LPP: variants seen among roughly 807,000 people sequenced by gnomAD.
LPP encodes the protein lipoma-preferred partner.
Under a neutral mutation model 60.4 loss-of-function variants are expected in LPP, and 38 were observed. The observed-to-expected ratio is 0.63, with a 90% CI of 0.49 to 0.83. The LOEUF (loss-of-function observed/expected upper bound fraction) is 0.83, where lower values mean the gene tolerates loss of function less well. Ranked by LOEUF, LPP falls within the 40% of genes least tolerant of loss-of-function variation. The probability of loss-of-function intolerance (pLI) is 0.00; values close to 1 mark genes in which losing one functional copy is unlikely to be tolerated. For missense variants in LPP, 902 were observed against 783.6 expected (o/e 1.15, Z -1.80); for synonymous variants, 328 against 290.8 (o/e 1.13, Z -1.30).
chr3:188,365,549 A>G (rs79981125), intron 3 of LPP, among the ~76,000 whole-genome samples: 3,080 of 152,282 alleles, frequency 0.02, 45 homozygotes, highest in Non-Finnish European at 0.032. Flanking sequence ...ACCTTAGAAC[A>G]CGTACCTGCA....
At chr3:188,379,090 CTT>C (rs568105213) in intron 3 of LPP, among the ~76,000 whole-genome samples, 1 of 147,110 alleles carries the variant, frequency 6.8e-6, no homozygotes, top group African/African-American at 2.5e-5. Context: ...CATTTTCTTT[CTT>C]TTTTTTTTTC....
At chr3:188,712,547 TC>T (rs1711995461) in intron 8 of LPP, 2 of 152,244 alleles carry the variant, frequency 1.3e-5, no homozygotes, top group African/African-American at 4.8e-5. Flanking sequence ...GATAAAGTCT[TC>T]TCTTCCTTTC....
At position 188,806,081 on chromosome 3, in the gene LPP, A is replaced by G. The variant is rs576679571; in HGVS notation, c.1410+45799A>G. Among the ~76,000 whole-genome samples the G allele has an allele frequency of 5.2e-4, 79 of 151,972 alleles. 1 individual carries two copies. The South Asian group carries it at 0.013, about 26-fold the overall frequency. On this transcript the variant is annotated intron_variant, in intron 9 of 11. Coordinates refer to ENST00000617246, the MANE Select transcript of LPP (RefSeq NM_001375462.1). ...TAGGTGAAGTGTTCTATAGTTGTCA[A>G]TTAGGTTAATTTGGCTAACAGTATT...
chr3:188,800,103 T>A (rs1240806411), intron 9 of LPP, among the ~76,000 whole-genome samples: 1 of 151,734 alleles, frequency 6.6e-6, no homozygotes, highest in African/African-American at 2.4e-5. Context: ...TTTAGTGATA[T>A]AGAATTCTAT....
intron 7 of LPP, among the ~76,000 whole-genome samples, chr3:188,645,810 A>C (rs1255466167): frequency 7.5e-6 from 1 of 133,904 alleles, no homozygotes; most frequent in Non-Finnish European, 1.6e-5. Flanking sequence ...ATATAAGTTC[A>C]AAAAAAAAAA....
At chr3:188,305,745 AAC>A (rs1014298435) in intron 2 of LPP, among the ~76,000 whole-genome samples, 1 of 152,230 alleles carries the variant, frequency 6.6e-6, no homozygotes, top group African/African-American at 2.4e-5. Flanking sequence ...CAGAGTCTGA[AAC>A]ACACAGCGAC....
intron 9 of LPP, among the ~76,000 whole-genome samples, chr3:188,790,270 G>A (rs1342838593): frequency 6.6e-6 from 1 of 152,054 alleles, no homozygotes; most frequent in Non-Finnish European, 1.5e-5. Flanking sequence ...GTACAAAATA[G>A]GACATAAAGG....
At chr3:188,641,952 G>A (rs1037031502) in intron 7 of LPP, among the ~76,000 whole-genome samples, 7 of 152,144 alleles carry the variant, frequency 4.6e-5, no homozygotes, top group Admixed American at 1.3e-4. Context: ...CGGATGGAAC[G>A]GACCTGATCT....
chr3:188,731,753 A>T (rs1192279149), intron 8 of LPP, among the ~76,000 whole-genome samples: 1 of 151,812 alleles, frequency 6.6e-6, no homozygotes, highest in Non-Finnish European at 1.5e-5. Flanking sequence ...CGAACTCCTG[A>T]CCTTGTGATC....
chr3:188,751,684 G>A (rs1019780079), intron 8 of LPP, among the ~76,000 whole-genome samples: 3 of 152,150 alleles, frequency 2.0e-5, no homozygotes, highest in African/African-American at 7.2e-5. Flanking sequence ...ATTTAACTCT[G>A]TGGTTGTGGG....
At chr3:188,706,636 A>G (rs1865530657) in intron 7 of LPP, among the ~76,000 whole-genome samples, 2 of 152,240 alleles carry the variant, frequency 1.3e-5, no homozygotes, top group Admixed American at 1.3e-4. Context: ...GTTGTAGTAA[A>G]TGTTGGGAAT....
chr3:188,633,746 A>G (rs1191608135), intron 7 of LPP, among the ~76,000 whole-genome samples: 1 of 152,382 alleles, frequency 6.6e-6, no homozygotes, highest in Admixed American at 6.5e-5. Context: ...AAGTACATCT[A>G]TATATCATCT....
At chr3:188,521,808 A>G (rs1372794023) in intron 5 of LPP, among the ~76,000 whole-genome samples, 1 of 152,178 alleles carries the variant, frequency 6.6e-6, no homozygotes, top group East Asian at 1.9e-4. Context: ...ATTTAAGCAG[A>G]CAACACTCTA....
At chr3:188,255,761 G>A (rs544211191) in intron 2 of LPP, among the ~76,000 whole-genome samples, 10 of 152,274 alleles carry the variant, frequency 6.6e-5, no homozygotes, top group African/African-American at 2.4e-4. Flanking sequence ...CTTTAAGGAT[G>A]CACTGACTTT....
At chr3:188,669,922 C>T (rs1465791373) in intron 7 of LPP, among the ~76,000 whole-genome samples, 2 of 152,114 alleles carry the variant, frequency 1.3e-5, no homozygotes, top group African/African-American at 4.8e-5. Flanking sequence ...ACTAAGCAGC[C>T]ATAAAAAAGG....
intron 9 of LPP, among the ~76,000 whole-genome samples, chr3:188,800,297 G>C (rs1307121557): frequency 7.0e-6 from 1 of 143,428 alleles, no homozygotes; most frequent in Non-Finnish European, 1.5e-5. Flanking sequence ...TCAGGCTGGG[G>C]TGCAGTGGCG....
chr3:188,780,113 G>A (rs1385527683), intron 9 of LPP, among the ~76,000 whole-genome samples: 2 of 152,102 alleles, frequency 1.3e-5, no homozygotes, highest in Admixed American at 1.3e-4. Context: ...GCCACTTCTT[G>A]TTTTCTGCCT....
At chr3:188,178,121 G>A (rs1010308516) in intron 1 of LPP, among the ~76,000 whole-genome samples, 1 of 152,196 alleles carries the variant, frequency 6.6e-6, no homozygotes, top group Non-Finnish European at 1.5e-5. Context: ...CTCTGATGGA[G>A]CTCCTGGAGT....
At chr3:188,577,372 A>G (rs1834861923) in intron 6 of LPP, among the ~76,000 whole-genome samples, 1 of 152,114 alleles carries the variant, frequency 6.6e-6, no homozygotes, top group Non-Finnish European at 1.5e-5. Flanking sequence ...AATTGTGAAT[A>G]TATTTTCATA....
Sources: gnomAD v4.1 joint callset for allele counts (sites outside exome capture counted in the v4.1 genomes callset) on GRCh38, gnomAD v4.1.1 for gene constraint, MANE v1.5 for transcripts, NCBI Gene and HGNC (gene_info 2026-07-23, HGNC 2026-07-21) for gene names.